Variants in GAB2 observed in about 807,000 individuals in gnomAD.
GAB2 encodes the protein GRB2 associated binding protein 2, also known as GRB2-associated-binding protein 2.
A neutral mutation model predicts 65.5 loss-of-function variants in GAB2; 26 were observed. That is an observed-to-expected ratio of 0.40 (90% CI 0.29 to 0.55). The LOEUF (loss-of-function observed/expected upper bound fraction) is 0.55. GAB2 is among the 20% of genes least tolerant of loss of function. The probability of loss-of-function intolerance (pLI) is 0.53; values close to 1 mark genes in which losing one functional copy is unlikely to be tolerated. For synonymous variants in GAB2, 321 were observed against 329.6 expected (o/e 0.97, Z 0.28); for missense variants, 884 against 875.8 (o/e 1.01, Z -0.12).
chr11:78,342,614 T>C (rs372548105), intron 1 of GAB2, among the ~76,000 whole-genome samples: 1 of 152,228 alleles, frequency 6.6e-6, no homozygotes, highest in African/African-American at 2.4e-5. Context: ...TTCACCATGT[T>C]AGCCAGGATG....
intron 1 of GAB2, among the ~76,000 whole-genome samples, chr11:78,336,480 GTT>G (rs59349951): frequency 7.8e-5 from 10 of 127,618 alleles, no homozygotes; most frequent in African/African-American, 1.7e-4. Flanking sequence ...AATAGTTGTT[GTT>G]TTTTTTTTTT....
chr11:78,277,264 T>C (rs2511190), intron 2 of GAB2, among the ~76,000 whole-genome samples: 25,831 of 152,250 alleles, frequency 0.17, 2,594 homozygotes, highest in East Asian at 0.4. Flanking sequence ...CCCCTCATCA[T>C]ACCTATTTCT....
intron 1 of GAB2, among the ~76,000 whole-genome samples, chr11:78,307,635 A>AGAGAGAGAGAGAG (rs1591022770): frequency 6.6e-6 from 1 of 150,442 alleles, no homozygotes; most frequent in East Asian, 2.0e-4. Flanking sequence ...AGAGAGAGAG[A>AGAGAGAGAGAGAG]TGTTGAGTCA....
intron 1 of GAB2, among the ~76,000 whole-genome samples, chr11:78,387,504 C>G (rs1856783367): frequency 1.3e-5 from 2 of 152,210 alleles, no homozygotes; most frequent in Non-Finnish European, 2.9e-5. Flanking sequence ...ACAGTGGTCT[C>G]TCAGTGGGTT....
intron 1 of GAB2, among the ~76,000 whole-genome samples, chr11:78,336,528 T>A (rs1271281608): frequency 6.7e-6 from 1 of 148,942 alleles, no homozygotes; most frequent in African/African-American, 2.5e-5. Context: ...AAATATGAGA[T>A]CATATCATGA....
At chr11:78,380,477 T>C (rs1591076342) in intron 1 of GAB2, among the ~76,000 whole-genome samples, 1 of 152,196 alleles carries the variant, frequency 6.6e-6, no homozygotes, top group Non-Finnish European at 1.5e-5. Flanking sequence ...GTGCTGGGAT[T>C]ACAGGAATGA....
intron 1 of GAB2, among the ~76,000 whole-genome samples, chr11:78,312,873 T>A (rs2134647304): frequency 6.6e-6 from 1 of 152,320 alleles, no homozygotes; most frequent in African/African-American, 2.4e-5. Context: ...CTGCCCCACG[T>A]GTCTCAGAAA....
chr11:78,225,889 GAATT>G (rs2134466401), intron 4 of GAB2, among the ~76,000 whole-genome samples: 1 of 152,320 alleles, frequency 6.6e-6, no homozygotes, highest in African/African-American at 2.4e-5. Flanking sequence ...AAAATGAAAG[GAATT>G]AATATTGTTC....
intron 1 of GAB2, among the ~76,000 whole-genome samples, chr11:78,387,844 T>C (rs879553497): frequency 7.2e-5 from 11 of 152,212 alleles, no homozygotes; most frequent in Admixed American, 3.9e-4. Flanking sequence ...GAAGATTGCT[T>C]GGGGTCAAAA....
intron 1 of GAB2, among the ~76,000 whole-genome samples, chr11:78,346,722 A>ATATTTT (rs1565168352): frequency 3.9e-4 from 12 of 30,794 alleles, no homozygotes; most frequent in Non-Finnish European, 5.1e-4. Context: ...TATATATATA[A>ATATTTT]TTTTTTTTTT....
chr11:78,259,933 C>A (rs1327637262), intron 2 of GAB2, among the ~76,000 whole-genome samples: 2 of 152,176 alleles, frequency 1.3e-5, no homozygotes, highest in Non-Finnish European at 1.5e-5. Context: ...GGGGCAGGAG[C>A]AATCAAGCTA....
intron 1 of GAB2, among the ~76,000 whole-genome samples, chr11:78,359,005 A>G (rs1856398491): frequency 6.6e-6 from 1 of 152,212 alleles, no homozygotes; most frequent in South Asian, 2.1e-4. Flanking sequence ...AAATAGAGCT[A>G]AAGAGTTAGT....
At chr11:78,379,972 G>A (rs1856677245) in intron 1 of GAB2, among the ~76,000 whole-genome samples, 2 of 152,210 alleles carry the variant, frequency 1.3e-5, no homozygotes, top group South Asian at 4.1e-4. Flanking sequence ...ATGCAGGGCA[G>A]TTATTATGTA....
chr11:78,274,575 G>T (rs1337378259), intron 2 of GAB2, among the ~76,000 whole-genome samples: 1 of 152,226 alleles, frequency 6.6e-6, no homozygotes, highest in African/African-American at 2.4e-5. Flanking sequence ...AAAGGAAGTT[G>T]AGACTTTATT....
At chr11:78,244,984 C>A (rs1319978231) in intron 3 of GAB2, among the ~76,000 whole-genome samples, 1 of 152,094 alleles carries the variant, frequency 6.6e-6, no homozygotes, top group East Asian at 1.9e-4. Context: ...CTATTTGCAC[C>A]CCTATGTTTA....
At chr11:78,356,612 T>C (rs967925557) in intron 1 of GAB2, among the ~76,000 whole-genome samples, 4 of 152,214 alleles carry the variant, frequency 2.6e-5, no homozygotes, top group African/African-American at 9.6e-5. Context: ...CTAGATACCA[T>C]GAATGACACT....
intron 1 of GAB2, among the ~76,000 whole-genome samples, chr11:78,296,133 CT>C (rs1260413984): frequency 1.4e-4 from 22 of 152,166 alleles, no homozygotes; most frequent in African/African-American, 4.6e-4. Context: ...GATGTCACCG[CT>C]GATCTGATGG....
intron 1 of GAB2, among the ~76,000 whole-genome samples, chr11:78,329,031 TA>T (rs1855871568): frequency 1.3e-5 from 2 of 152,146 alleles, no homozygotes; most frequent in African/African-American, 2.4e-5. Context: ...TTAAATGCTA[TA>T]AAAAATAAGA....
chr11:78,329,281 G>T (rs1855876310), intron 1 of GAB2, among the ~76,000 whole-genome samples: 1 of 152,090 alleles, frequency 6.6e-6, no homozygotes, highest in South Asian at 2.1e-4. Flanking sequence ...AGTTTATAAG[G>T]CCAGTCTTGT....
Sources: allele counts gnomAD v4.1 joint callset (sites outside exome capture counted in the v4.1 genomes callset), GRCh38; gene constraint gnomAD v4.1.1; transcripts MANE v1.5; gene names NCBI Gene and HGNC (gene_info 2026-07-23, HGNC 2026-07-21).